IFT88: variants seen among roughly 807,000 people sequenced by gnomAD.
IFT88 encodes intraflagellar transport protein 88 homolog.
IFT88 carries 74 observed loss-of-function variants against 119.5 expected under a neutral mutation model. The ratio of observed to expected loss-of-function variants is 0.62; its 90% CI spans 0.51 to 0.75. IFT88 has a LOEUF of 0.75. IFT88 is among the 30% of genes least tolerant of loss of function. The pLI is 0.00. For missense variants in IFT88, 961 were observed against 977.7 expected (o/e 0.98, Z 0.23); for synonymous variants, 279 against 316.7 (o/e 0.88, Z 1.26).
At chr13:20,631,614 A>G (rs188739628) in intron 16 of IFT88, 273 of 152,644 alleles carry the variant, frequency 1.8e-3, no homozygotes, top group Non-Finnish European at 2.5e-3. Flanking sequence ...AAACGAATGC[A>G]GATAATAAGT....
At chr13:20,626,099 T>C (rs557930230) in intron 15 of IFT88, among the ~76,000 whole-genome samples, 81 of 121,560 alleles carry the variant, frequency 6.7e-4, no homozygotes, top group Middle Eastern at 8.7e-3. Flanking sequence ...CTCGCTCTGT[T>C]GCCTAGGCTA....
chr13:20,690,715 G>C lies in IFT88; in HGVS notation c.2253G>C (p.Gln751His). ...TTTTCGTGTTTTCAGATAGTGGCCA[G>C]AACTATAGTGCCAGTAGTAAAGGTG... ...REGSASGDSGQNYSASSKGER... is the reference protein window; with the variant it reads ...REGSASGDSGHNYSASSKGER... Residue 751 changes from glutamine to histidine, a missense_variant, in exon 25 of 26, where the codon CAG (glutamine) becomes CAC (histidine). Gln to His is a conservative substitution (Grantham distance 24). Coordinates refer to ENST00000351808, the MANE Select transcript of IFT88 (RefSeq NM_006531.5). 2 of 1,610,170 alleles carry C rather than the reference G, an allele frequency of 1.2e-6. No individual in the cohort carries two copies. Among genetic ancestry groups the C allele is most frequent in the Non-Finnish European group, 1.7e-6 (2 of 1,176,506 alleles).
intron 3 of IFT88, among the ~76,000 whole-genome samples, chr13:20,589,160 AT>A (rs1270585073): frequency 6.6e-6 from 1 of 152,176 alleles, no homozygotes; most frequent in African/African-American, 2.4e-5. Flanking sequence ...TTAAAAAAAA[AT>A]ATTTTGACCC....
chr13:20,690,748 A>G lies in IFT88; in HGVS notation c.2286A>G (p.Leu762=). 1.2e-6 allele frequency: 2 copies of G among 1,613,928 alleles called. No individual in the cohort carries two copies. The highest frequency in any genetic ancestry group is 8.5e-7 in the Non-Finnish European group (1 of 1,179,788). ...GTGCCAGTAGTAAAGGTGAACGACT[A>G]AGTGCCAGACTCAGAGCTTTACCTG... The part of the protein sequence containing the change: ...NYSASSKGER[L]SARLRALPGT... Residue 762 remains leucine (L), a synonymous_variant, in exon 25 of 26, where the codon CTA becomes CTG. Coordinates refer to ENST00000351808, the MANE Select transcript of IFT88 (RefSeq NM_006531.5).
intron 24 of IFT88, among the ~76,000 whole-genome samples, chr13:20,676,012 C>G (rs2056619728): frequency 6.6e-6 from 1 of 152,184 alleles, no homozygotes. Flanking sequence ...TCCTGGTATA[C>G]AGCTTGAACA....
At chr13:20,591,214 A>G (rs1461142400) in intron 5 of IFT88, among the ~76,000 whole-genome samples, 194 bp downstream of exon 5, 1 of 152,170 alleles carries the variant, frequency 6.6e-6, no homozygotes, top group Non-Finnish European at 1.5e-5. Flanking sequence ...CTTTAGATTT[A>G]TTTACTCAGG....
chr13:20,674,451 T>G (rs1336430961), intron 24 of IFT88, among the ~76,000 whole-genome samples: 3 of 152,112 alleles, frequency 2.0e-5, no homozygotes, highest in Non-Finnish European at 4.4e-5. Context: ...TTATTTTGAG[T>G]ATGGTGTTAT....
intron 20 of IFT88, among the ~76,000 whole-genome samples, chr13:20,645,929 TGAG>T (rs1303524312): frequency 6.6e-6 from 1 of 152,230 alleles, no homozygotes; most frequent in East Asian, 1.9e-4. Flanking sequence ...TTACCAAGGA[TGAG>T]GAGATAGTTT....
At chr13:20,629,942 T>G (rs2047934791) in intron 15 of IFT88, among the ~76,000 whole-genome samples, 1 of 152,246 alleles carries the variant, frequency 6.6e-6, no homozygotes, top group Non-Finnish European at 1.5e-5. Flanking sequence ...TGAATACTCA[T>G]TCACCTTTCA....
chr13:20,580,459 G>GTGAGCCAAGATCACGCCATTGCACAA (rs562252816), intron 2 of IFT88, among the ~76,000 whole-genome samples: 1 of 152,040 alleles, frequency 6.6e-6, no homozygotes, highest in Non-Finnish European at 1.5e-5. Flanking sequence ...GGAGGTGGCA[G>GTGAGCCAAGATCACGCCATTGCACAA]TGAGCCAAGA....
At chr13:20,593,748 TA>T (rs994644198) in intron 7 of IFT88, among the ~76,000 whole-genome samples, 7 of 151,708 alleles carry the variant, frequency 4.6e-5, no homozygotes, top group Admixed American at 6.6e-5. Flanking sequence ...AAAACATGTT[TA>T]AAAAAAAGTA....
chr13:20,645,409 A>G (rs1156333227), intron 20 of IFT88, among the ~76,000 whole-genome samples: 1 of 152,068 alleles, frequency 6.6e-6, no homozygotes, highest in Non-Finnish European at 1.5e-5. Context: ...TTATTTTCTT[A>G]TATTTTATTC....
At chr13:20,607,691 A>G (rs1258096335) in intron 13 of IFT88, 14 of 825,460 alleles carry the variant, frequency 1.7e-5, no homozygotes, top group Admixed American at 3.5e-5. Flanking sequence ...CGACTTGACT[A>G]CGTCTCACAG....
chr13:20,570,400 A>G (rs1012488835), intron 1 of IFT88, among the ~76,000 whole-genome samples: 2 of 152,224 alleles, frequency 1.3e-5, no homozygotes, highest in Non-Finnish European at 2.9e-5. Context: ...GGACCTATAT[A>G]TGCATGCTAA....
At position 20,598,654 on chromosome 13, in the gene IFT88, C is replaced by G. The variant is rs563944253; in HGVS notation, c.598C>G (p.Leu200Val). The G allele has an allele frequency of 1.2e-6, 2 of 1,600,110 alleles. No individual in the cohort carries two copies. Among genetic ancestry groups the G allele is most frequent in the South Asian group, 2.2e-5 (2 of 90,626 alleles). The part of the protein sequence containing the change: ...NINLDLTYSV[L>V]FNLASQYSVN... The stretch of plus-strand genomic sequence containing the variant: ...TCTATAATATTTTCTTCCTTAGGTT[C>G]TTTTCAATTTGGCCAGTCAGTATTC... The change falls in exon 10 of 26, where the codon CTT becomes GTT. Residue 200 changes from leucine to valine, a missense_variant. Physicochemically the swap from Leu to Val is conservative, Grantham distance 32. Coordinates refer to ENST00000351808, the MANE Select transcript of IFT88 (RefSeq NM_006531.5).
At chr13:20,634,898 G>A (rs2048783033) in intron 16 of IFT88, among the ~76,000 whole-genome samples, 1 of 151,348 alleles carries the variant, frequency 6.6e-6, no homozygotes, top group African/African-American at 2.4e-5. Flanking sequence ...TGCTGCACCT[G>A]TTAACTCTTC....
chr13:20,601,058 A>G (rs78404864), intron 11 of IFT88, among the ~76,000 whole-genome samples: 1 of 152,210 alleles, frequency 6.6e-6, no homozygotes, highest in Non-Finnish European at 1.5e-5. Context: ...CCTAGAAGAG[A>G]CAGAGAGACA....
chr13:20,591,343 C>G (rs2040635252), intron 5 of IFT88, among the ~76,000 whole-genome samples: 1 of 152,102 alleles, frequency 6.6e-6, no homozygotes. Context: ...CTCTCATAGG[C>G]ATGTAAGAGA....
chr13:20,636,235 G>A (rs970363371), intron 16 of IFT88, among the ~76,000 whole-genome samples: 4 of 152,126 alleles, frequency 2.6e-5, no homozygotes, highest in African/African-American at 4.8e-5. Flanking sequence ...GGTCTGCTAG[G>A]TATGACCTTA....
Sources: gnomAD v4.1 joint callset for allele counts (sites outside exome capture counted in the v4.1 genomes callset) on GRCh38, gnomAD v4.1.1 for gene constraint, MANE v1.5 for transcripts, NCBI Gene and HGNC (gene_info 2026-07-23, HGNC 2026-07-21) for gene names.